TRAF7: variants seen among roughly 807,000 people sequenced by gnomAD.
TRAF7 encodes the protein E3 ubiquitin-protein ligase TRAF7.
A neutral mutation model predicts 89.3 loss-of-function variants in TRAF7; 45 were observed. That is an observed-to-expected ratio of 0.50 (90% confidence interval 0.40 to 0.65). The LOEUF is 0.65. Among genes scored for constraint, TRAF7 ranks in the 30% least tolerant of loss-of-function variants. TRAF7 has a pLI of 0.00. For missense variants in TRAF7, 677 were observed against 918.1 expected (o/e 0.74, Z 3.39); for synonymous variants, 406 against 369.2 (o/e 1.10, Z -1.14).
chr16:2,173,571 G>A lies in TRAF7; in HGVS notation c.1086+17G>A. 6.2e-7 allele frequency: 1 copy of A among 1,611,486 alleles called. No homozygotes were observed. Among genetic ancestry groups the A allele is most frequent in the Non-Finnish European group, 8.5e-7 (1 of 1,178,644 alleles). On this transcript the variant is annotated intron_variant, in intron 11 of 20. Transcript: ENST00000326181. ...ATGTTAAATGTGAGCGGGCGGGGCT[G>A]GAGGGGCTGGGTTGTGAGACCCGGG...
In TRAF7 at chr16:2,171,268, C is replaced by T; in HGVS notation, c.353C>T (p.Pro118Leu). Reference protein sequence around the residue: ...SLPEEEEEPEPLVFAEQPSVK... With the variant: ...SLPEEEEEPELLVFAEQPSVK... ...GCCTTTCCCGCTTGGTTCCAGGAGC[C>T]ACTGGTGTTTGCGGAGCAGCCCTCG... is the stretch of plus-strand genomic sequence containing the variant. Residue 118 changes from proline to leucine, a missense_variant, in exon 6 of 21, where the codon CCA becomes CTA. Physicochemically the swap from Pro to Leu is moderately conservative, Grantham distance 98. This residue lies in a region of TRAF7 where 240 missense variants were observed against 191.9 expected (regional missense o/e 1.25). Coordinates refer to ENST00000326181, the MANE Select transcript of TRAF7 (RefSeq NM_032271.3). 6.5e-7 allele frequency: 1 copy of T among 1,548,354 alleles called. No homozygotes were observed. The highest frequency in any genetic ancestry group is 8.7e-7 in the Non-Finnish European group (1 of 1,147,078).
intron 9 of TRAF7, among the ~76,000 whole-genome samples, chr16:2,172,821 C>T (rs941614042): frequency 1.1e-4 from 13 of 119,224 alleles, no homozygotes; most frequent in East Asian, 2.7e-4. Context: ...CCAGCATGGG[C>T]GGATTTGAGC....
intron 12 of TRAF7, 34 bp from the exon 13 acceptor site, chr16:2,173,887 A>G (rs201563186): frequency 1.2e-5 from 5 of 413,478 alleles, no homozygotes; most frequent in East Asian, 9.9e-5. Context: ...CCGGGCCCCA[A>G]CTGGGCCTTC....
In TRAF7 at chr16:2,163,911, T is replaced by C. The variant is rs891913838; in HGVS notation, c.-10T>C. The C allele has an allele frequency of 7.4e-6, 12 of 1,611,344 alleles. No homozygotes were observed. The highest frequency in any genetic ancestry group is 1.0e-5 in the Non-Finnish European group (12 of 1,179,258). On this transcript the variant is annotated 5_prime_UTR_variant, in exon 2 of 21. Coordinates refer to ENST00000326181, the MANE Select transcript of TRAF7 (RefSeq NM_032271.3). The surrounding 1 kb of genome is among the most constrained non-coding windows in gnomAD (Gnocchi z 4.3). ...GTGCTTCCCAAGGACCGTAGATGCC[T>C]CTCTAGAGCATGAGCTCAGGCAAGA...
rs144521218 is a variant in TRAF7, at chr16:2,162,287, T to C, written c.-38-1596T>C. Among the ~76,000 whole-genome samples, 149 of 151,074 alleles carry C rather than the reference T, an allele frequency of 9.9e-4. 2 individuals carry two copies. Among genetic ancestry groups the C allele is most frequent in the African/African-American group, 3.4e-3 (141 of 41,492 alleles). The stretch of plus-strand genomic sequence containing the variant: ...CAGGAGTGGTAGACAGCCCAGGAGC[T>C]CAGGTGCAGGGAACCAAGGGCTTGA... On this transcript the variant is annotated intron_variant, in intron 1 of 20. Coordinates refer to ENST00000326181, the MANE Select transcript of TRAF7 (RefSeq NM_032271.3). The surrounding 1 kb of genome is among the most constrained non-coding windows in gnomAD (Gnocchi z 5.0).
At chr16:2,172,930 A>G (rs998416967) in intron 9 of TRAF7, among the ~76,000 whole-genome samples, 6 of 152,118 alleles carry the variant, frequency 3.9e-5, no homozygotes, top group African/African-American at 1.4e-4. Flanking sequence ...GAGGCTGCCA[A>G]GCAGCGTGGG....
At position 2,162,720 on chromosome 16, in the gene TRAF7, A is replaced by T. The variant is rs566899238; in HGVS notation, c.-38-1163A>T. On this transcript the variant is annotated intron_variant, in intron 1 of 20. Coordinates refer to ENST00000326181, the MANE Select transcript of TRAF7 (RefSeq NM_032271.3). This position sits in a 1 kb window ranked among gnomAD's most constrained non-coding sequence, Gnocchi z 5.0. ...GGAGCTGAGCCCATGGTGTGTCCTC[A>T]TGGGGTGCTGCGCATGGGCCTCGAG... 3.9e-5 allele frequency among the ~76,000 whole-genome samples: 6 copies of T among 151,938 alleles called. No homozygotes were observed. The highest frequency in any genetic ancestry group is 7.4e-5 in the Non-Finnish European group (5 of 67,924).
rs777987406 is a variant in TRAF7 at position 2,177,633 on chromosome 16, G to A, written c.*1059G>A. On this transcript the variant is annotated 3_prime_UTR_variant, in exon 21 of 21. Coordinates refer to ENST00000326181, the MANE Select transcript of TRAF7 (RefSeq NM_032271.3). ...GGGCTGCCTGCACAGCCCCTGGAGA[G>A]GGGGCCAGGCACACCCTCAGAGGAG... 1.8e-4 allele frequency: 43 copies of A among 237,024 alleles called. No homozygotes were observed. The highest frequency in any genetic ancestry group is 3.2e-4 in the Non-Finnish European group (39 of 120,244). 14.7% of individuals were successfully genotyped at this position (237,024 alleles called of 1,614,324 possible). A position where few individuals can be genotyped will look rare whatever the true frequency, so the allele number is the denominator to read the frequency against.
chr16:2,164,076 A>G, intron 2 of TRAF7, 75 bp downstream of exon 2: 1 of 1,389,320 alleles, frequency 7.2e-7, no homozygotes, highest in Non-Finnish European at 9.9e-7. Context: ...TGTTGCCTGC[A>G]GAGCTCCCAG....
Position 2,175,944 on chromosome 16 carries a change from C to G in TRAF7, c.1737C>G (p.Asn579Lys), listed in dbSNP as rs1180960099. Residue 579 changes from asparagine (N) to lysine (K), a missense_variant, in exon 18 of 21, where the codon AAC (asparagine) becomes AAG (lysine). Transcript: ENST00000326181. Reference protein sequence around the residue: ...NHHIVCGTYENLIHVWDIESK... With the variant: ...NHHIVCGTYEKLIHVWDIESK... ...ACATTGTCTGTGGCACCTACGAGAA[C>G]CTCATCCACGTAAGGCCTGGGCATC... is the stretch of plus-strand genomic sequence containing the variant. The G allele has an allele frequency of 6.2e-7, 1 of 1,613,314 alleles. No homozygotes were observed. Among genetic ancestry groups the G allele is most frequent in the Non-Finnish European group, 8.5e-7 (1 of 1,179,968 alleles).
rs769538955 is a variant in TRAF7, at chr16:2,169,373, G to A, written c.231+1205G>A. 7.9e-5 allele frequency among the ~76,000 whole-genome samples: 12 copies of A among 152,238 alleles called. 1 individual carries two copies. In the South Asian group the frequency reaches 1.9e-3, roughly 24 times the overall value. ...GGCGAGTTGGGTATGTCTGGGCCCC[G>A]TCCCCTGGGCCTCTGCCTGCCTCGG... On this transcript the variant is annotated intron_variant, in intron 4 of 20. Coordinates refer to ENST00000326181, the MANE Select transcript of TRAF7 (RefSeq NM_032271.3).
chr16:2,163,965 G>T lies in TRAF7; in HGVS notation c.45G>T (p.Gly15=), dbSNP rs763890292. The T allele has an allele frequency of 5.0e-6, 8 of 1,612,684 alleles. No individual in the cohort carries two copies. In the Admixed American group the frequency reaches 6.7e-5, roughly 13 times the overall value. ...CCCGCTACAACCGCTTCTCCGGGGG[G>T]CCCAGCAATCTTCCCACCCCAGACG... The part of the protein sequence containing the change: ...KSARYNRFSG[G]PSNLPTPDVT... Residue 15 remains glycine, a synonymous_variant, in exon 2 of 21, where the codon GGG becomes GGT. Coordinates refer to ENST00000326181, the MANE Select transcript of TRAF7 (RefSeq NM_032271.3). This position sits in a 1 kb window ranked among gnomAD's most constrained non-coding sequence, Gnocchi z 4.3.
rs2093048903 is a variant in TRAF7 at position 2,159,482 on chromosome 16, C to T, written c.-39+3624C>T. Among the ~76,000 whole-genome samples, 1 of 152,198 alleles carries T rather than the reference C, an allele frequency of 6.6e-6. No individual in the cohort carries two copies. Among genetic ancestry groups the T allele is most frequent in the Non-Finnish European group, 1.5e-5 (1 of 68,032 alleles). On this transcript the variant is annotated intron_variant, in intron 1 of 20. Coordinates refer to ENST00000326181, the MANE Select transcript of TRAF7 (RefSeq NM_032271.3). This position sits in a 1 kb window ranked among gnomAD's most constrained non-coding sequence, Gnocchi z 6.5. ...ACGTCAGGGAACAGCGGCGGAAGTG[C>T]GTGTGGCTTTGCTATGGCAACCAGG...
In TRAF7 at chr16:2,159,578, C is replaced by T. The variant is rs1287555361; in HGVS notation, c.-39+3720C>T. Among the ~76,000 whole-genome samples, 1 of 152,136 alleles carries T rather than the reference C, an allele frequency of 6.6e-6. No homozygotes were observed. The highest frequency in any genetic ancestry group is 1.5e-5 in the Non-Finnish European group (1 of 68,008). Reference sequence around the variant, plus strand: ...GAGGCAGGGGCTGGGCTGGGGCGGGCAGTCTGTGGGTGCCCTGGGCAGGCT... The same window carrying T: ...GAGGCAGGGGCTGGGCTGGGGCGGGTAGTCTGTGGGTGCCCTGGGCAGGCT... On this transcript the variant is annotated intron_variant, in intron 1 of 20. Coordinates refer to ENST00000326181, the MANE Select transcript of TRAF7 (RefSeq NM_032271.3). The surrounding 1 kb of genome is among the most constrained non-coding windows in gnomAD (Gnocchi z 6.5).
intron 10 of TRAF7, 29 bp downstream of exon 10, chr16:2,173,428 G>A: frequency 1.2e-6 from 2 of 1,612,634 alleles, no homozygotes; most frequent in Non-Finnish European, 1.7e-6. Flanking sequence ...GCAGGCAGGG[G>A]CCTGGCCACT....
In TRAF7 at chr16:2,176,123, C is replaced by T; in HGVS notation, c.1821C>T (p.Val607=). The T allele has an allele frequency of 6.2e-7, 1 of 1,610,882 alleles. No individual in the cohort carries two copies. The highest frequency in any genetic ancestry group is 8.5e-7 in the Non-Finnish European group (1 of 1,179,594). The change falls in exon 19 of 21, where the codon GTC becomes GTT. Residue 607 remains valine (V), a synonymous_variant. Coordinates refer to ENST00000326181, the MANE Select transcript of TRAF7 (RefSeq NM_032271.3). ...GHVGTVYALA[V]ISTPDQTKVF... ...TGGGCACCGTGTATGCCCTGGCGGT[C>T]ATCTCGACGCCAGACCAGACCAAAG...
intron 9 of TRAF7, among the ~76,000 whole-genome samples, chr16:2,172,915 G>A (rs551578054): frequency 4.3e-4 from 66 of 152,322 alleles, no homozygotes; most frequent in Admixed American, 9.1e-4. Flanking sequence ...AGGGAGGTGG[G>A]CAGGGAGGCT....
Position 2,171,304 on chromosome 16 carries a change from G to T in TRAF7, c.389G>T (p.Cys130Phe). 1 of 1,556,466 alleles carries T rather than the reference G, an allele frequency of 6.4e-7. No homozygotes were observed. Among genetic ancestry groups the T allele is most frequent in the South Asian group, 1.2e-5 (1 of 84,778 alleles). The change falls in exon 6 of 21, where the codon TGC becomes TTC. Residue 130 changes from cysteine to phenylalanine, a missense_variant. Physicochemically the swap from Cys to Phe is radical, Grantham distance 205. Around this residue, in one of 6 missense-constraint regions of TRAF7, gnomAD observed 240 missense variants for 191.9 expected, o/e 1.25. Coordinates refer to ENST00000326181, the MANE Select transcript of TRAF7 (RefSeq NM_032271.3). ...GCGGAGCAGCCCTCGGTGAAGCTGT[G>T]CTGTCAGCTCTGCTGCAGCGTCTTC... is the stretch of plus-strand genomic sequence containing the variant. ...VFAEQPSVKL[C>F]CQLCCSVFKD...
intron 3 of TRAF7, 121 bp from the exon 4 acceptor site, chr16:2,167,956 G>C (rs1196339234): frequency 8.5e-6 from 7 of 822,950 alleles, no homozygotes; most frequent in Middle Eastern, 3.5e-4. Context: ...CTGCCTGCCT[G>C]GCCCTGGGGA....
Sources: allele counts gnomAD v4.1 joint callset (sites outside exome capture counted in the v4.1 genomes callset), GRCh38; gene constraint gnomAD v4.1.1; regional missense constraint gnomAD v4.1.1; non-coding constraint Gnocchi (gnomAD v3.1); transcripts MANE v1.5; gene names NCBI Gene and HGNC (gene_info 2026-07-23, HGNC 2026-07-21).